ANO2: variants seen among roughly 807,000 people sequenced by gnomAD.
ANO2 encodes the protein anoctamin 2, also known as anoctamin-2.
ANO2 carries 101 observed loss-of-function variants against 124.2 expected under a neutral mutation model. The observed-to-expected ratio is 0.81, with a 90% confidence interval of 0.69 to 0.96. ANO2 has a LOEUF of 0.96. Ranked by LOEUF, ANO2 falls within the 40% of genes least tolerant of loss-of-function variation. The pLI, the probability that ANO2 is intolerant of heterozygous loss-of-function variation, is 0.00. For missense variants in ANO2, 1,293 were observed against 1,274.5 expected (o/e 1.01, Z -0.22); for synonymous variants, 486 against 482.5 (o/e 1.01, Z -0.09).
At chr12:5,853,192 G>T (rs1415309053) in intron 4 of ANO2, among the ~76,000 whole-genome samples, 1 of 148,408 alleles carries the variant, frequency 6.7e-6, no homozygotes, top group East Asian at 2.0e-4. Context: ...GGTAGAGGTG[G>T]GGTTTTGCTA....
intron 15 of ANO2, among the ~76,000 whole-genome samples, chr12:5,638,259 G>A (rs1317417392): frequency 3.1e-4 from 20 of 65,404 alleles, no homozygotes; most frequent in East Asian, 9.6e-4. Context: ...TTTTTGAGAC[G>A]GAGTCTCACT....
At chr12:5,675,286 C>G (rs546007963) in intron 14 of ANO2, among the ~76,000 whole-genome samples, 1 of 152,204 alleles carries the variant, frequency 6.6e-6, no homozygotes, top group Non-Finnish European at 1.5e-5. Context: ...CCAGCTGCAG[C>G]TCATCATACC....
At chr12:5,703,978 G>A (rs1949505462) in intron 14 of ANO2, among the ~76,000 whole-genome samples, 1 of 152,200 alleles carries the variant, frequency 6.6e-6, no homozygotes, top group Non-Finnish European at 1.5e-5. Context: ...TCACCTGTGT[G>A]ACAAATAGTG....
Position 5,578,001 on chromosome 12 carries a change from C to T in ANO2, c.2393G>A (p.Trp798Ter), listed in dbSNP as rs772316621. 1 of 1,613,566 alleles carries T rather than the reference C, an allele frequency of 6.2e-7. No individual in the cohort carries two copies. The highest frequency in any genetic ancestry group is 8.5e-7 in the Non-Finnish European group (1 of 1,179,740). The change falls in exon 22 of 25, where the codon TGG becomes TAG. Residue 798 changes from tryptophan to a stop codon, truncating the protein, a stop_gained. Coordinates refer to ENST00000682330, the MANE Select transcript of ANO2 (RefSeq NM_001364791.2). LOFTEE classifies it high-confidence loss of function. ...GCCAATTCCAGAGAGAATGTCAAAC[C>T]AGATTCCTACAAGACAGAAAAGACA... Reference protein sequence around the residue: ...DAVRTKDIGIWFDILSGIGKF... With the variant: ...DAVRTKDIGI
In ANO2 at chr12:5,578,011, C is replaced by A; in HGVS notation, c.2387-4G>T. The A allele has an allele frequency of 6.2e-7, 1 of 1,613,736 alleles. No homozygotes were observed. Among genetic ancestry groups the A allele is most frequent in the South Asian group, 1.1e-5 (1 of 91,042 alleles). ...GAGAGAATGTCAAACCAGATTCCTA[C>A]AAGACAGAAAAGACAGCGTCTGGCT... is the stretch of plus-strand genomic sequence containing the variant. On this transcript the variant is annotated splice_polypyrimidine_tract_variant and splice_region_variant and intron_variant, in intron 21 of 24. Transcript: ENST00000682330.
intron 19 of ANO2, among the ~76,000 whole-genome samples, chr12:5,610,334 T>C (rs1462363937): frequency 3.5e-5 from 2 of 56,444 alleles, no homozygotes; most frequent in African/African-American, 1.6e-4. Flanking sequence ...TAAATGCATA[T>C]ATTTATACAT....
chr12:5,820,738 A>G (rs1469227712), intron 7 of ANO2, among the ~76,000 whole-genome samples: 1 of 152,042 alleles, frequency 6.6e-6, no homozygotes, highest in Non-Finnish European at 1.5e-5. Context: ...TCCCTCTTCA[A>G]CTCTCCCATT....
chr12:5,644,624 G>A (rs1794020638), intron 15 of ANO2, among the ~76,000 whole-genome samples: 1 of 152,068 alleles, frequency 6.6e-6, no homozygotes, highest in African/African-American at 2.4e-5. Context: ...TCACAGTCAA[G>A]GTTCATATAG....
At chr12:5,816,691 A>G (rs1358669711) in intron 7 of ANO2, among the ~76,000 whole-genome samples, 3 of 152,178 alleles carry the variant, frequency 2.0e-5, no homozygotes, top group Admixed American at 2.0e-4. Context: ...CACTCCTGAC[A>G]TACGTAAGTT....
chr12:5,922,626 G>T lies in ANO2; in HGVS notation c.201C>A (p.Ser67Arg). Reference sequence around the variant, plus strand: ...ACCCCCGCCCAGTACTCACAGAGCTGCTGCGGGTGCTCTCTCCACCGCAGG... The same window carrying T: ...ACCCCCGCCCAGTACTCACAGAGCTTCTGCGGGTGCTCTCTCCACCGCAGG... Reference protein sequence around the residue: ...GQPCGGESTRSSSVINNYLDA... With the variant: ...GQPCGGESTRRSSVINNYLDA... Residue 67 changes from serine to arginine, a missense_variant, in exon 2 of 25, where the codon AGC becomes AGA. By Grantham distance (110) the Ser-to-Arg change is moderately radical. Coordinates refer to ENST00000682330, the MANE Select transcript of ANO2 (RefSeq NM_001364791.2). 6.5e-7 allele frequency: 1 copy of T among 1,537,006 alleles called. No individual in the cohort carries two copies. The highest frequency in any genetic ancestry group is 2.5e-5 in the East Asian group (1 of 40,812).
chr12:5,704,699 G>A (rs1461244994), intron 14 of ANO2, among the ~76,000 whole-genome samples: 1 of 147,736 alleles, frequency 6.8e-6, no homozygotes, highest in Non-Finnish European at 1.5e-5. Flanking sequence ...GTGTGTGTAT[G>A]TGTGTGTGTG....
intron 12 of ANO2, chr12:5,740,055 C>T (rs553595006): frequency 4.5e-5 from 20 of 443,382 alleles, no homozygotes; most frequent in South Asian, 3.2e-4. Context: ...TTTGCCTGCC[C>T]CACCCACGGC....
intron 14 of ANO2, among the ~76,000 whole-genome samples, chr12:5,713,908 T>G (rs185504221): frequency 6.6e-6 from 1 of 152,312 alleles, no homozygotes; most frequent in African/African-American, 2.4e-5. Context: ...ATTTTTCTGG[T>G]GATCCACCTC....
chr12:5,814,099 T>C (rs1217605610), intron 7 of ANO2, among the ~76,000 whole-genome samples: 4 of 152,228 alleles, frequency 2.6e-5, no homozygotes, highest in Non-Finnish European at 4.4e-5. Flanking sequence ...TTGAGACCCC[T>C]GGCCTTCTGC....
At chr12:5,601,866 C>T (rs951021570) in intron 19 of ANO2, among the ~76,000 whole-genome samples, 1 of 152,196 alleles carries the variant, frequency 6.6e-6, no homozygotes, top group African/African-American at 2.4e-5. Flanking sequence ...GTCAGCAAAG[C>T]TGTGTGACTG....
intron 13 of ANO2, among the ~76,000 whole-genome samples, chr12:5,734,215 A>C (rs1234440232): frequency 5.9e-5 from 9 of 152,244 alleles, no homozygotes; most frequent in Non-Finnish European, 5.9e-5. Flanking sequence ...ACTGTCAAGA[A>C]GCTTGCTTAA....
At chr12:5,599,681 T>G in intron 19 of ANO2, 52 bp from the exon 20 acceptor site, 1 of 1,581,524 alleles carries the variant, frequency 6.3e-7, no homozygotes, top group Non-Finnish European at 8.6e-7. Context: ...ACAGGGTTGG[T>G]TTTGCAGACA....
chr12:5,574,577 T>C (rs1942299859), intron 23 of ANO2, among the ~76,000 whole-genome samples: 1 of 152,176 alleles, frequency 6.6e-6, no homozygotes, highest in Non-Finnish European at 1.5e-5. Context: ...TCAGCCACTC[T>C]CCTATGTCTA....
chr12:5,874,331 C>G (rs1937942675), intron 3 of ANO2, among the ~76,000 whole-genome samples: 1 of 152,182 alleles, frequency 6.6e-6, no homozygotes, highest in Non-Finnish European at 1.5e-5. Flanking sequence ...CTGCCCAATT[C>G]ACTAGCTGAG....
Sources: gnomAD v4.1 joint callset for allele counts (sites outside exome capture counted in the v4.1 genomes callset) on GRCh38, gnomAD v4.1.1 for gene constraint, MANE v1.5 for transcripts, NCBI Gene and HGNC (gene_info 2026-07-23, HGNC 2026-07-21) for gene names.